Variants in MRPL48 observed in about 807,000 individuals in gnomAD.
The protein encoded by MRPL48 is large ribosomal subunit protein mL48.
Under a neutral mutation model 32.9 loss-of-function variants are expected in MRPL48, and 16 were observed. The ratio of observed to expected loss-of-function variants is 0.49; its 90% CI spans 0.33 to 0.74. The LOEUF is 0.74. Among genes scored for constraint, MRPL48 ranks in the 30% least tolerant of loss-of-function variants. The probability of loss-of-function intolerance (pLI) is 0.02; values close to 1 mark genes in which losing one functional copy is unlikely to be tolerated. For synonymous variants in MRPL48, 94 were observed against 89.2 expected (o/e 1.05, Z -0.31); for missense variants, 206 against 245.3 (o/e 0.84, Z 1.07).
intron 1 of MRPL48, among the ~76,000 whole-genome samples, chr11:73,791,011 G>C (rs548072130): frequency 8.0e-5 from 12 of 149,874 alleles, no homozygotes; most frequent in Non-Finnish European, 1.5e-4. Context: ...TCAGCCTCCT[G>C]AGTTGCTGGG....
At chr11:73,789,776 T>G (rs1947113038) in intron 1 of MRPL48, among the ~76,000 whole-genome samples, 1 of 152,224 alleles carries the variant, frequency 6.6e-6, no homozygotes, top group Admixed American at 6.5e-5. Context: ...TCATTTGATC[T>G]TCACAATATC....
At chr11:73,825,198 T>C (rs1947861920) in intron 3 of MRPL48, among the ~76,000 whole-genome samples, 1 of 152,164 alleles carries the variant, frequency 6.6e-6, no homozygotes, top group South Asian at 2.1e-4. Context: ...AGTTTATTAA[T>C]ATTTGATTTC....
intron 3 of MRPL48, among the ~76,000 whole-genome samples, chr11:73,823,654 G>GTTTT (rs57616234): frequency 7.6e-5 from 8 of 105,666 alleles, no homozygotes; most frequent in African/African-American, 1.5e-4. Context: ...TTTCTTTTCT[G>GTTTT]TTTTTTTTTT....
At chr11:73,813,473 C>T (rs1947605614) in intron 3 of MRPL48, among the ~76,000 whole-genome samples, 1 of 151,900 alleles carries the variant, frequency 6.6e-6, no homozygotes, top group Non-Finnish European at 1.5e-5. Flanking sequence ...TGTGCCTGGC[C>T]CATTTATGTT....
At chr11:73,856,793 C>T (rs556106936) in intron 5 of MRPL48, among the ~76,000 whole-genome samples, 2 of 151,990 alleles carry the variant, frequency 1.3e-5, no homozygotes, top group African/African-American at 2.4e-5. Context: ...TAGATTGACT[C>T]GTGAAATTAA....
intron 5 of MRPL48, among the ~76,000 whole-genome samples, chr11:73,848,724 A>G (rs1213783190): frequency 2.0e-5 from 3 of 152,090 alleles, no homozygotes; most frequent in Non-Finnish European, 2.9e-5. Context: ...GGCTCTTTAC[A>G]TATCTTATCT....
chr11:73,842,182 C>T (rs1449554655), intron 4 of MRPL48: 1 of 152,240 alleles, frequency 6.6e-6, no homozygotes, highest in Non-Finnish European at 1.5e-5. Flanking sequence ...AACTCCTAGG[C>T]TCAAGCAGTC....
At chr11:73,846,580 G>A (rs910725914) in intron 5 of MRPL48, among the ~76,000 whole-genome samples, 1 of 151,470 alleles carries the variant, frequency 6.6e-6, no homozygotes, top group African/African-American at 2.4e-5. Context: ...GGCTGGTCTC[G>A]AACTCCTGAC....
intron 1 of MRPL48, among the ~76,000 whole-genome samples, chr11:73,788,474 T>TTTC (rs1315307205): frequency 1.9e-4 from 16 of 85,534 alleles, no homozygotes; most frequent in African/African-American, 1.0e-3. Flanking sequence ...TTTTCTTTCT[T>TTTC]TTTTTTTTTT....
intron 4 of MRPL48, chr11:73,842,514 T>G (rs1948205588): frequency 1.3e-5 from 2 of 151,994 alleles, no homozygotes; most frequent in Non-Finnish European, 2.9e-5. Flanking sequence ...GTTCTGTCGC[T>G]CAGGTTCGAG....
intron 4 of MRPL48, among the ~76,000 whole-genome samples, chr11:73,836,400 T>C (rs1422635880): frequency 6.6e-6 from 1 of 152,148 alleles, no homozygotes; most frequent in African/African-American, 2.4e-5. Context: ...GTTTTCACCA[T>C]GTTGGCCAGT....
intron 2 of MRPL48, among the ~76,000 whole-genome samples, 197 bp downstream of exon 2, chr11:73,805,276 T>A (rs1947428108): frequency 6.7e-6 from 1 of 149,040 alleles, no homozygotes; most frequent in African/African-American, 2.5e-5. Context: ...TACTTGCAGT[T>A]AATCTTTGAT....
Position 73,805,047 on chromosome 11 carries a change from T to G in MRPL48, c.42T>G (p.Asn14Lys), listed in dbSNP as rs777276497. ...TLEKVLCLRNNTIFKQAFSLL... is the reference protein window; with the variant it reads ...TLEKVLCLRNKTIFKQAFSLL... ...TGTAGGTGCTGTGCCTGAGGAACAA[T>G]ACCATTTTTAAGCAAGCCTTTTCTC... The change falls in exon 2 of 8, where the codon AAT becomes AAG. Residue 14 changes from asparagine to lysine, a missense_variant. Asn to Lys is a moderately conservative substitution (Grantham distance 94, BLOSUM62 0). Coordinates refer to ENST00000310614, the MANE Select transcript of MRPL48 (RefSeq NM_016055.6). The G allele has an allele frequency of 6.3e-7, 1 of 1,589,812 alleles. No homozygotes were observed. The highest frequency in any genetic ancestry group is 2.3e-5 in the East Asian group (1 of 44,270).
chr11:73,817,039 C>T (rs1477991340), intron 3 of MRPL48, among the ~76,000 whole-genome samples: 5 of 151,742 alleles, frequency 3.3e-5, no homozygotes, highest in African/African-American at 9.7e-5. Flanking sequence ...ACCATGTTGG[C>T]CAGGCTGGTC....
chr11:73,828,780 G>C (rs1382295708), intron 4 of MRPL48, among the ~76,000 whole-genome samples: 1 of 146,644 alleles, frequency 6.8e-6, no homozygotes, highest in Non-Finnish European at 1.5e-5. Flanking sequence ...TAAATACTAA[G>C]CATCCTTTTA....
chr11:73,864,228 G>A, intron 7 of MRPL48, 68 bp from the exon 8 acceptor site: 4 of 1,437,172 alleles, frequency 2.8e-6, no homozygotes, highest in Non-Finnish European at 3.8e-6. Context: ...CTTTTTGGAT[G>A]CTGTGCATAT....
At chr11:73,793,239 A>AT (rs1279831704) in intron 1 of MRPL48, among the ~76,000 whole-genome samples, 2 of 152,054 alleles carry the variant, frequency 1.3e-5, no homozygotes, top group Admixed American at 6.6e-5. Flanking sequence ...CTAATTTTGT[A>AT]TTTTTAGTAG....
intron 3 of MRPL48, among the ~76,000 whole-genome samples, chr11:73,823,665 T>TTG (rs1947827096): frequency 6.7e-6 from 1 of 149,740 alleles, no homozygotes; most frequent in South Asian, 2.1e-4. Flanking sequence ...TTTTTTTTTT[T>TTG]TTTTTTTTTT....
At chr11:73,842,558 C>T (rs553710693) in intron 4 of MRPL48, 49 of 152,052 alleles carry the variant, frequency 3.2e-4, no homozygotes, top group African/African-American at 1.1e-3. Context: ...TTGCAACCTC[C>T]GCCTCCCGGG....
Sources: gnomAD v4.1 joint callset for allele counts (sites outside exome capture counted in the v4.1 genomes callset) on GRCh38, gnomAD v4.1.1 for gene constraint, MANE v1.5 for transcripts, NCBI Gene and HGNC (gene_info 2026-07-23, HGNC 2026-07-21) for gene names.